TNS1: variants seen among roughly 807,000 people sequenced by gnomAD.
TNS1 encodes tensin-1.
Under a neutral mutation model 168.6 loss-of-function variants are expected in TNS1, and 62 were observed. That is an observed-to-expected ratio of 0.37 (90% CI 0.30 to 0.45). The LOEUF is 0.45. Among genes scored for constraint, TNS1 ranks in the 20% least tolerant of loss-of-function variants. The probability of loss-of-function intolerance (pLI) is 1.00; values close to 1 mark genes in which losing one functional copy is unlikely to be tolerated. For missense variants in TNS1, 2,240 were observed against 2,339.4 expected (o/e 0.96, Z 0.88); for synonymous variants, 934 against 933.2 (o/e 1.00, Z -0.02).
At chr2:217,914,938 C>A (rs1421997117) in intron 4 of TNS1, among the ~76,000 whole-genome samples, 3 of 152,230 alleles carry the variant, frequency 2.0e-5, no homozygotes, top group African/African-American at 7.2e-5. Flanking sequence ...CACTCCCATT[C>A]TGTGCCCGTC....
At chr2:217,973,299 G>A (rs569776306) in intron 3 of TNS1, among the ~76,000 whole-genome samples, 130 of 149,752 alleles carry the variant, frequency 8.7e-4, no homozygotes, top group African/African-American at 3.0e-3. Context: ...CCATGAAACT[G>A]AGGCTGCAGT....
chr2:217,912,703 C>A (rs1954564509), intron 4 of TNS1, among the ~76,000 whole-genome samples: 1 of 152,158 alleles, frequency 6.6e-6, no homozygotes, highest in Non-Finnish European at 1.5e-5. Context: ...GTTTATGGGG[C>A]ACTTGGAGCA....
At chr2:217,968,113 T>G (rs989696484) in intron 3 of TNS1, among the ~76,000 whole-genome samples, 3 of 152,172 alleles carry the variant, frequency 2.0e-5, no homozygotes, top group African/African-American at 4.8e-5. Flanking sequence ...TTCAAAAACA[T>G]TCAACAAACT....
Position 217,809,837 on chromosome 2 carries a change from A to T in TNS1, c.5259T>A (p.Thr1753=). 1 of 1,613,670 alleles carries T rather than the reference A, an allele frequency of 6.2e-7. No individual in the cohort carries two copies. The highest frequency in any genetic ancestry group is 8.5e-7 in the Non-Finnish European group (1 of 1,179,650). ...GGGAGTCTTACTTTCTCTGGTTGTC[A>T]GTCAGAGTGATTCCCTGGGCAGAGA... The part of the protein sequence containing the change: ...FKVSAQGITL[T]DNQRKLFFRR... The change falls in exon 30 of 33, where the codon ACT becomes ACA. Residue 1753 remains threonine, a synonymous_variant. Transcript: ENST00000682258.
intron 11 of TNS1, 24 bp downstream of exon 11, chr2:217,892,924 T>C (rs546397991): frequency 6.2e-7 from 1 of 1,613,432 alleles, no homozygotes; most frequent in African/African-American, 1.3e-5. Flanking sequence ...GTTCAGAGGA[T>C]GGGAGGCTCC....
chr2:217,824,865 A>G (rs1337059672), intron 22 of TNS1, among the ~76,000 whole-genome samples: 1 of 151,676 alleles, frequency 6.6e-6, no homozygotes, highest in Non-Finnish European at 1.5e-5. Context: ...AGAGAAAGCC[A>G]CTCTTTGGCT....
intron 3 of TNS1, among the ~76,000 whole-genome samples, chr2:217,929,990 C>A (rs1048994084): frequency 6.6e-6 from 1 of 152,240 alleles, no homozygotes; most frequent in Non-Finnish European, 1.5e-5. Flanking sequence ...GCCTAAAGTT[C>A]TTGCATAGCT....
chr2:217,853,554 G>A (rs2125478881), intron 18 of TNS1, among the ~76,000 whole-genome samples: 1 of 152,248 alleles, frequency 6.6e-6, no homozygotes, highest in South Asian at 2.1e-4. Flanking sequence ...CAGCCAGCCT[G>A]GACATCTGCT....
intron 19 of TNS1, 68 bp from the exon 20 acceptor site, chr2:217,836,279 C>T: frequency 6.8e-7 from 1 of 1,481,220 alleles, no homozygotes; most frequent in South Asian, 1.3e-5. Context: ...TCGGCCTAAT[C>T]CCATCAGAGA....
At chr2:217,831,423 C>T in intron 22 of TNS1, 32 bp downstream of exon 22, 1 of 1,536,536 alleles carries the variant, frequency 6.5e-7, no homozygotes, top group Non-Finnish European at 8.8e-7. Context: ...TCCCCCTGGC[C>T]CCCCTCCCCA....
At chr2:218,028,272 G>C (rs1958866050) in intron 1 of TNS1, among the ~76,000 whole-genome samples, 1 of 152,146 alleles carries the variant, frequency 6.6e-6, no homozygotes, top group Non-Finnish European at 1.5e-5. Context: ...GCACCCTCCT[G>C]CTGGGTGCCC....
At chr2:217,910,945 C>A (rs1232427298) in intron 4 of TNS1, among the ~76,000 whole-genome samples, 4 of 152,252 alleles carry the variant, frequency 2.6e-5, no homozygotes, top group African/African-American at 9.6e-5. Context: ...AAGCCCACTG[C>A]CAGGCTCATC....
Position 217,886,118 on chromosome 2 carries a change from G to T in TNS1, c.980-14C>A. The T allele has an allele frequency of 6.2e-7, 1 of 1,613,962 alleles. No homozygotes were observed. Among genetic ancestry groups the T allele is most frequent in the Non-Finnish European group, 8.5e-7 (1 of 1,179,964 alleles). On this transcript the variant is annotated splice_polypyrimidine_tract_variant and intron_variant, in intron 13 of 32. Transcript: ENST00000682258. ...ATGGCCGACATCCTGTAAAAGTGGG[G>T]TGGGTGTTAGCTAAGACAGCAGAAA...
chr2:217,845,657 C>T (rs7566504), intron 19 of TNS1, among the ~76,000 whole-genome samples: 60,936 of 152,026 alleles, frequency 0.4, 13,200 homozygotes, highest in African/African-American at 0.59. Context: ...CTATCTATGA[C>T]TTCATGGCAG....
At chr2:217,972,420 T>C (rs980988103) in intron 3 of TNS1, among the ~76,000 whole-genome samples, 16 of 152,208 alleles carry the variant, frequency 1.1e-4, no homozygotes, top group African/African-American at 3.1e-4. Context: ...GCAGGTGTGT[T>C]TACAAGACTA....
At chr2:217,886,165 G>A (rs528790315) in intron 13 of TNS1, 61 bp from the exon 14 acceptor site, 8 of 1,562,896 alleles carry the variant, frequency 5.1e-6, no homozygotes, top group Non-Finnish European at 7.0e-6. Context: ...GAGGGGCAGA[G>A]GAGACAGTGA....
chr2:217,912,489 T>C (rs2125821583), intron 4 of TNS1, among the ~76,000 whole-genome samples: 1 of 152,244 alleles, frequency 6.6e-6, no homozygotes, highest in South Asian at 2.1e-4. Context: ...TCTACTGCCA[T>C]GGCAATGAAC....
intron 1 of TNS1, among the ~76,000 whole-genome samples, chr2:218,020,241 G>A (rs1375555739): frequency 6.6e-6 from 1 of 152,098 alleles, no homozygotes; most frequent in Non-Finnish European, 1.5e-5. Context: ...GCCAGTGGGT[G>A]AACAGCCACA....
intron 19 of TNS1, chr2:217,842,298 A>T: frequency 1.8e-6 from 1 of 548,662 alleles, no homozygotes. Context: ...ACCACTGCAG[A>T]TGTTTCATGG....
Sources: gnomAD v4.1 joint callset for allele counts (sites outside exome capture counted in the v4.1 genomes callset) on GRCh38, gnomAD v4.1.1 for gene constraint, MANE v1.5 for transcripts, NCBI Gene and HGNC (gene_info 2026-07-23, HGNC 2026-07-21) for gene names.